WDFY3: variants seen among roughly 807,000 people sequenced by gnomAD.
WDFY3 encodes the protein WD repeat and FYVE domain-containing protein 3.
A neutral mutation model predicts 409.6 loss-of-function variants in WDFY3; 66 were observed. The ratio of observed to expected loss-of-function variants is 0.16; its 90% CI spans 0.13 to 0.20. The LOEUF (loss-of-function observed/expected upper bound fraction) is 0.20. WDFY3 is among the 10% of genes least tolerant of loss of function. The pLI, the probability that WDFY3 is intolerant of heterozygous loss-of-function variation, is 1.00. For missense variants in WDFY3, 3,031 were observed against 4,298.1 expected (o/e 0.71, Z 8.24); for synonymous variants, 1,521 against 1,537.1 (o/e 0.99, Z 0.25).
rs144234040 is a variant in WDFY3, at chr4:84,838,901, T to C, written c.415-1811A>G. Among the ~76,000 whole-genome samples, 499 of 152,194 alleles carry C rather than the reference T, an allele frequency of 3.3e-3. 1 individual carries two copies. Among genetic ancestry groups the C allele is most frequent in the Non-Finnish European group, 5.1e-3 (346 of 67,986 alleles). On this transcript the variant is annotated intron_variant, in intron 6 of 67. Transcript: ENST00000295888. ...ATTAAATATTATGGTACTATCTTTT[T>C]CTGCTTCATCTCTTACATCTACACA...
chr4:84,857,178 A>G (rs1311230302), intron 4 of WDFY3, among the ~76,000 whole-genome samples: 3 of 152,188 alleles, frequency 2.0e-5, no homozygotes, highest in Non-Finnish European at 4.4e-5. Context: ...TAATCAACCA[A>G]TTAAAAACTT....
intron 59 of WDFY3, among the ~76,000 whole-genome samples, chr4:84,692,276 C>T (rs902837455): frequency 3.9e-5 from 6 of 152,262 alleles, no homozygotes; most frequent in Non-Finnish European, 5.9e-5. Context: ...CAGTGACTGA[C>T]GCTGGCACAG....
At chr4:84,728,831 T>G (rs965181445) in intron 44 of WDFY3, among the ~76,000 whole-genome samples, 3 of 152,200 alleles carry the variant, frequency 2.0e-5, no homozygotes, top group African/African-American at 7.2e-5. Flanking sequence ...TGGCTTCCTT[T>G]TATTTAAAAA....
chr4:84,884,776 G>C (rs935579030), intron 3 of WDFY3, among the ~76,000 whole-genome samples: 1 of 152,132 alleles, frequency 6.6e-6, no homozygotes, highest in Admixed American at 6.5e-5. Flanking sequence ...AAATCTCAGA[G>C]GCAGACCCAT....
intron 66 of WDFY3, among the ~76,000 whole-genome samples, 186 bp from the exon 67 acceptor site, chr4:84,677,582 A>C (rs1240744167): frequency 2.6e-5 from 4 of 152,194 alleles, no homozygotes; most frequent in Non-Finnish European, 5.9e-5. Context: ...CCAAATTTAC[A>C]CTTCCATTTC....
chr4:84,932,857 A>C (rs1056598430), intron 1 of WDFY3, among the ~76,000 whole-genome samples: 2 of 152,216 alleles, frequency 1.3e-5, no homozygotes, highest in Non-Finnish European at 2.9e-5. Flanking sequence ...TTGCTGCCTC[A>C]TTCAAAGGTC....
chr4:84,752,841 C>A (rs190828891), intron 35 of WDFY3, among the ~76,000 whole-genome samples: 1 of 152,040 alleles, frequency 6.6e-6, no homozygotes, highest in Non-Finnish European at 1.5e-5. Context: ...TGTGTTTTAT[C>A]TATTTATTTT....
chr4:84,914,592 A>G (rs562778553), intron 2 of WDFY3, among the ~76,000 whole-genome samples: 1 of 152,180 alleles, frequency 6.6e-6, no homozygotes, highest in Admixed American at 6.5e-5. Context: ...AAAATGCTCA[A>G]TATAATTTAG....
At chr4:84,783,202 C>A in intron 24 of WDFY3, 128 bp from the exon 25 acceptor site, 1 of 868,442 alleles carries the variant, frequency 1.2e-6, no homozygotes, top group South Asian at 1.7e-5. Context: ...TACTGAAAAA[C>A]GAGCATTTAG....
Position 84,672,154 on chromosome 4 carries a change from A to C in WDFY3, c.*714T>G, listed in dbSNP as rs1024700439. On this transcript the variant is annotated 3_prime_UTR_variant, in exon 68 of 68. Coordinates refer to ENST00000295888, the MANE Select transcript of WDFY3 (RefSeq NM_014991.6). ...CTTACGGCTGGACTCCTATTCTCCC[A>C]CACTGTTTCCTAAAGAAGGTCCACA... 1 of 152,182 alleles carries C rather than the reference A, an allele frequency of 6.6e-6. No homozygotes were observed. Among genetic ancestry groups the C allele is most frequent in the Non-Finnish European group, 1.5e-5 (1 of 68,028 alleles). 9.4% of individuals were successfully genotyped at this position (152,182 alleles called of 1,614,324 possible).
rs530177106 is a variant in WDFY3, at chr4:84,840,298, C to T, written c.414+856G>A. Among the ~76,000 whole-genome samples the T allele has an allele frequency of 8.5e-5, 13 of 152,282 alleles. No homozygotes were observed. In the South Asian group the frequency reaches 2.7e-3, roughly 32 times the overall value. On this transcript the variant is annotated intron_variant, in intron 6 of 67. Coordinates refer to ENST00000295888, the MANE Select transcript of WDFY3 (RefSeq NM_014991.6). ...TGATTTGGAGGAAATAAAAAGCAAT[C>T]TCCAGAATAAATCAAATGAGAAGAA...
chr4:84,784,885 T>TAC (rs1325257649), intron 24 of WDFY3, among the ~76,000 whole-genome samples: 11 of 96,074 alleles, frequency 1.1e-4, no homozygotes, highest in African/African-American at 4.6e-4. Flanking sequence ...TATATATATA[T>TAC]ATATATACAC....
intron 1 of WDFY3, among the ~76,000 whole-genome samples, chr4:84,939,615 T>A (rs1444924822): frequency 3.3e-5 from 5 of 152,194 alleles, no homozygotes; most frequent in African/African-American, 1.2e-4. Flanking sequence ...ATGGATTTAT[T>A]CCTATTTCTA....
chr4:84,930,814 T>C (rs1403671663), intron 2 of WDFY3, among the ~76,000 whole-genome samples: 1 of 152,188 alleles, frequency 6.6e-6, no homozygotes, highest in African/African-American at 2.4e-5. Flanking sequence ...TTTTTAATTC[T>C]GGGTAACACA....
At chr4:84,947,514 A>T (rs112581269) in intron 1 of WDFY3, among the ~76,000 whole-genome samples, 9 of 140,542 alleles carry the variant, frequency 6.4e-5, no homozygotes, top group African/African-American at 1.9e-4. Flanking sequence ...TCCGTCTCAA[A>T]AATAATAATA....
intron 47 of WDFY3, 72 bp from the exon 48 acceptor site, chr4:84,718,642 G>A: frequency 6.5e-7 from 1 of 1,533,150 alleles, no homozygotes; most frequent in Non-Finnish European, 8.8e-7. Flanking sequence ...GACTACTACG[G>A]CATCCCTAGA....
intron 27 of WDFY3, among the ~76,000 whole-genome samples, chr4:84,776,932 G>A (rs1433498280): frequency 1.3e-5 from 2 of 152,128 alleles, no homozygotes; most frequent in African/African-American, 4.8e-5. Flanking sequence ...AGAAGTGATA[G>A]TTATCCTAGT....
chr4:84,809,348 T>A (rs576801264), intron 14 of WDFY3: 1 of 153,170 alleles, frequency 6.5e-6, no homozygotes, highest in South Asian at 2.1e-4. Flanking sequence ...TGACTTGGCA[T>A]GCAGCAGCTT....
intron 10 of WDFY3, among the ~76,000 whole-genome samples, chr4:84,826,236 C>G (rs868062983): frequency 6.6e-6 from 1 of 151,964 alleles, no homozygotes; most frequent in Non-Finnish European, 1.5e-5. Context: ...GTCATTATTT[C>G]CTAAACAATA....
Sources: gnomAD v4.1 joint callset for allele counts (sites outside exome capture counted in the v4.1 genomes callset) on GRCh38, gnomAD v4.1.1 for gene constraint, MANE v1.5 for transcripts, NCBI Gene and HGNC (gene_info 2026-07-23, HGNC 2026-07-21) for gene names.